Variants in ME1 observed in about 807,000 individuals in gnomAD.
ME1 encodes the protein malic enzyme 1.
Under a neutral mutation model 66.4 loss-of-function variants are expected in ME1, and 74 were observed. That is an observed-to-expected ratio of 1.11 (90% CI 0.92 to 1.35). The LOEUF (loss-of-function observed/expected upper bound fraction) is 1.35, where lower values mean the gene tolerates loss of function less well. Ranked by LOEUF, ME1 falls within the 40% of genes most tolerant of loss-of-function variation. The pLI, the probability that ME1 is intolerant of heterozygous loss-of-function variation, is 0.00. For synonymous variants in ME1, 251 were observed against 235.6 expected, an observed-to-expected ratio of 1.07 and a Z score of -0.60; for missense variants, 750 against 694.1, an observed-to-expected ratio of 1.08 and a Z score of -0.90.
Position 83,370,428 on chromosome 6 carries a change from A to T in ME1, c.363-18289T>A, listed in dbSNP as rs186717763. 3.7e-3 allele frequency among the ~76,000 whole-genome samples: 569 copies of T among 152,218 alleles called. 1 individual carries two copies. The highest frequency in any genetic ancestry group is 0.013 in the African/African-American group (546 of 41,562). ...ACCATATTTAATGGGACAGATGACA[A>T]TTGTTTGAATATGACATAATAGAGA... On this transcript the variant is annotated intron_variant, in intron 3 of 13. Transcript: ENST00000369705.
intron 3 of ME1, among the ~76,000 whole-genome samples, chr6:83,373,387 C>G (rs137902559): frequency 6.6e-6 from 1 of 152,186 alleles, no homozygotes; most frequent in East Asian, 1.9e-4. Context: ...AGGTAGGTGC[C>G]AACAAGCCCA....
chr6:83,347,269 C>A (rs1317120441), intron 4 of ME1, among the ~76,000 whole-genome samples: 1 of 152,060 alleles, frequency 6.6e-6, no homozygotes, highest in East Asian at 1.9e-4. Flanking sequence ...TAGTTTATTT[C>A]TAATTAACTT....
At chr6:83,316,601 T>C (rs1220781453) in intron 5 of ME1, among the ~76,000 whole-genome samples, 1 of 151,042 alleles carries the variant, frequency 6.6e-6, no homozygotes, top group African/African-American at 2.4e-5. Context: ...AAGAAAGAAA[T>C]ATAGATTGAA....
intron 1 of ME1, among the ~76,000 whole-genome samples, chr6:83,410,101 C>G (rs1770022030): frequency 6.6e-6 from 1 of 152,064 alleles, no homozygotes; most frequent in Admixed American, 6.6e-5. Context: ...TTTGCACCCC[C>G]ACAACAGAAT....
chr6:83,227,158 G>C (rs1025453600), intron 11 of ME1, among the ~76,000 whole-genome samples, 177 bp downstream of exon 11: 2 of 151,994 alleles, frequency 1.3e-5, no homozygotes, highest in Non-Finnish European at 2.9e-5. Flanking sequence ...TGAAGAAGAG[G>C]ATTTATACAA....
At chr6:83,264,434 A>C (rs1583347051) in intron 6 of ME1, among the ~76,000 whole-genome samples, 2 of 152,190 alleles carry the variant, frequency 1.3e-5, no homozygotes, top group Non-Finnish European at 2.9e-5. Context: ...TATTATATAG[A>C]AAATGCACTT....
chr6:83,365,070 C>T (rs1311633782), intron 3 of ME1, among the ~76,000 whole-genome samples: 1 of 152,166 alleles, frequency 6.6e-6, no homozygotes, highest in African/African-American at 2.4e-5. Context: ...TCCTCACACC[C>T]TGAGGCAGGC....
rs1554262985 is a variant in ME1 at position 83,237,265 on chromosome 6, A to AAGAAAG, written c.1026+446_1026+451dup. On this transcript the variant is annotated intron_variant, in intron 9 of 13. Transcript: ENST00000369705. ...AAAGAAAGAAAGAAAGAAAGAAAGA[A>AAGAAAG]AGAAAGAAAGAAAGGAAGGAAGGAA... Among the ~76,000 whole-genome samples, 129 of 106,402 alleles carry AAGAAAG rather than the reference A, an allele frequency of 1.2e-3. 12 individuals are homozygous for AAGAAAG. Among genetic ancestry groups the AAGAAAG allele is most frequent in the Middle Eastern group, 5.0e-3 (1 of 202 alleles). The allele number at this position is 106,402 out of a possible 152,430, so 69.8% of individuals were successfully genotyped here.
At chr6:83,224,329 T>G (rs1378013512) in intron 11 of ME1, among the ~76,000 whole-genome samples, 3 of 152,184 alleles carry the variant, frequency 2.0e-5, no homozygotes, top group Non-Finnish European at 4.4e-5. Flanking sequence ...GGTTGGGGTT[T>G]AGGAATCGAC....
Position 83,316,672 on chromosome 6 carries a change from A to C in ME1, c.601-1259T>G, listed in dbSNP as rs146865982. Among the ~76,000 whole-genome samples the C allele has an allele frequency of 2.6e-3, 394 of 152,264 alleles. 1 individual carries two copies. Among genetic ancestry groups the C allele is most frequent in the Middle Eastern group, 6.8e-3 (2 of 294 alleles). ...ATAATTGTGTACATAGAAAATACTA[A>C]GAAATCTACCAAAAAAAATCCCAGT... On this transcript the variant is annotated intron_variant, in intron 5 of 13. Coordinates refer to ENST00000369705, the MANE Select transcript of ME1 (RefSeq NM_002395.6).
chr6:83,399,425 AAG>A (rs1769802835), intron 2 of ME1, among the ~76,000 whole-genome samples: 1 of 152,236 alleles, frequency 6.6e-6, no homozygotes, highest in Non-Finnish European at 1.5e-5. Flanking sequence ...CCTATTTTAA[AAG>A]AGATGAAAAT....
intron 6 of ME1, among the ~76,000 whole-genome samples, chr6:83,295,009 G>A (rs868846790): frequency 6.6e-6 from 1 of 152,188 alleles, no homozygotes; most frequent in Non-Finnish European, 1.5e-5. Context: ...AAATAGGAGA[G>A]GAACCCACTT....
chr6:83,355,992 A>G (rs1246172522), intron 3 of ME1, among the ~76,000 whole-genome samples: 1 of 152,132 alleles, frequency 6.6e-6, no homozygotes, highest in Non-Finnish European at 1.5e-5. Flanking sequence ...GCTTTTTCAT[A>G]TATATAGTTC....
chr6:83,343,666 G>A (rs1475912519), intron 5 of ME1, among the ~76,000 whole-genome samples: 1 of 152,146 alleles, frequency 6.6e-6, no homozygotes, highest in Non-Finnish European at 1.5e-5. Flanking sequence ...GTTAAAGTAA[G>A]AAATTTCGTG....
intron 5 of ME1, among the ~76,000 whole-genome samples, chr6:83,328,759 A>T (rs1430260634): frequency 6.6e-6 from 1 of 152,214 alleles, no homozygotes; most frequent in African/African-American, 2.4e-5. Flanking sequence ...GGTATTAAGG[A>T]AGCACTTAAA....
At chr6:83,378,348 T>A (rs1410514813) in intron 3 of ME1, among the ~76,000 whole-genome samples, 2 of 152,150 alleles carry the variant, frequency 1.3e-5, no homozygotes, top group African/African-American at 2.4e-5. Flanking sequence ...TTTCTTTGAT[T>A]TTGAGAGGAA....
chr6:83,259,882 T>C (rs560169218), intron 6 of ME1, among the ~76,000 whole-genome samples: 1 of 152,276 alleles, frequency 6.6e-6, no homozygotes, highest in Admixed American at 6.5e-5. Flanking sequence ...TAATCATCCA[T>C]TCTTTTCCCC....
At chr6:83,242,033 T>A (rs1370095763) in intron 7 of ME1, among the ~76,000 whole-genome samples, 1 of 152,084 alleles carries the variant, frequency 6.6e-6, no homozygotes, top group African/African-American at 2.4e-5. Context: ...TGGCTAATTT[T>A]TGTATTTTTA....
intron 12 of ME1, among the ~76,000 whole-genome samples, chr6:83,221,620 A>G (rs1790092852): frequency 6.6e-6 from 1 of 152,196 alleles, no homozygotes; most frequent in Admixed American, 6.5e-5. Context: ...ACAGTAGGGC[A>G]TGTCTGTGGA....
Sources: allele counts gnomAD v4.1 joint callset (sites outside exome capture counted in the v4.1 genomes callset), GRCh38; gene constraint gnomAD v4.1.1; transcripts MANE v1.5; gene names NCBI Gene and HGNC (gene_info 2026-07-23, HGNC 2026-07-21).